The following MAGI1 variants were observed in gnomAD, a reference collection of about 807,000 sequenced individuals.
MAGI1 encodes membrane associated guanylate kinase, WW and PDZ domain containing 1.
Under a neutral mutation model 139.9 loss-of-function variants are expected in MAGI1, and 58 were observed. That is an observed-to-expected ratio of 0.41 (90% CI 0.34 to 0.52). The LOEUF (loss-of-function observed/expected upper bound fraction) is 0.52. Among genes scored for constraint, MAGI1 ranks in the 20% least tolerant of loss-of-function variants. The pLI is 0.12. For missense variants in MAGI1, 1,874 were observed against 1,901.6 expected (o/e 0.99, Z 0.27); for synonymous variants, 812 against 737.9 (o/e 1.10, Z -1.63).
At chr3:65,916,323 C>T (rs572257226) in intron 1 of MAGI1, among the ~76,000 whole-genome samples, 35 of 152,174 alleles carry the variant, frequency 2.3e-4, no homozygotes, top group Admixed American at 2.0e-3. Context: ...CCCGTCTCAG[C>T]CATTGTATTA....
intron 1 of MAGI1, among the ~76,000 whole-genome samples, chr3:65,710,085 A>C (rs1338040928): frequency 6.6e-6 from 1 of 152,142 alleles, no homozygotes; most frequent in African/African-American, 2.4e-5. Flanking sequence ...TGTTAGAGAA[A>C]GTATGTTAAG....
chr3:65,774,727 C>A (rs570547998), intron 1 of MAGI1, among the ~76,000 whole-genome samples: 5 of 152,226 alleles, frequency 3.3e-5, no homozygotes, highest in African/African-American at 1.2e-4. Flanking sequence ...ATATAGATCA[C>A]AAGTGATTTT....
intron 12 of MAGI1, among the ~76,000 whole-genome samples, chr3:65,406,433 A>C (rs1945342741): frequency 6.6e-6 from 1 of 152,156 alleles, no homozygotes; most frequent in Non-Finnish European, 1.5e-5. Flanking sequence ...GAGGCTTTGA[A>C]AGGGTGAATC....
At chr3:65,584,658 G>C (rs2081591624) in intron 2 of MAGI1, among the ~76,000 whole-genome samples, 1 of 152,128 alleles carries the variant, frequency 6.6e-6, no homozygotes, top group Non-Finnish European at 1.5e-5. Context: ...AAATAAATTT[G>C]AAGTGTGTGG....
At chr3:65,445,266 T>G (rs910083144) in intron 7 of MAGI1, among the ~76,000 whole-genome samples, 3 of 152,206 alleles carry the variant, frequency 2.0e-5, no homozygotes, top group Non-Finnish European at 2.9e-5. Context: ...ATCTTTCTCC[T>G]GGATTTACCT....
In MAGI1 at chr3:65,893,479, T is replaced by C. The variant is rs1444927571; in HGVS notation, c.313+144517A>G. Among the ~76,000 whole-genome samples, 5 of 152,234 alleles carry C rather than the reference T, an allele frequency of 3.3e-5. No individual in the cohort carries two copies. The South Asian group carries it at 6.2e-4, about 19-fold the overall frequency. The stretch of plus-strand genomic sequence containing the variant: ...ATGCATTCTCAAAAATCCAACAATA[T>C]AGTTTAATAGAAAATAATGACAAGC... On this transcript the variant is annotated intron_variant, in intron 1 of 22. Coordinates refer to ENST00000402939, the MANE Select transcript of MAGI1 (RefSeq NM_001033057.2).
intron 10 of MAGI1, among the ~76,000 whole-genome samples, chr3:65,434,373 G>A (rs959571050): frequency 1.3e-5 from 2 of 152,140 alleles, no homozygotes; most frequent in African/African-American, 4.8e-5. Flanking sequence ...GTGATAGAGT[G>A]AGTGTGGTGG....
At chr3:65,566,340 T>C (rs2080640767) in intron 2 of MAGI1, among the ~76,000 whole-genome samples, 1 of 152,194 alleles carries the variant, frequency 6.6e-6, no homozygotes, top group Non-Finnish European at 1.5e-5. Context: ...ATTATCTATG[T>C]ACTCAGAAAG....
At chr3:65,701,334 C>A (rs1027919337) in intron 1 of MAGI1, among the ~76,000 whole-genome samples, 1 of 152,176 alleles carries the variant, frequency 6.6e-6, no homozygotes, top group Non-Finnish European at 1.5e-5. Flanking sequence ...CTTACTGCAA[C>A]CTCCACCTCC....
intron 1 of MAGI1, among the ~76,000 whole-genome samples, chr3:65,973,770 G>A (rs1392429450): frequency 6.6e-6 from 1 of 152,142 alleles, no homozygotes; most frequent in South Asian, 2.1e-4. Flanking sequence ...ACAGAGTATG[G>A]CATAGAGAAA....
chr3:65,430,088 A>C lies in MAGI1; in HGVS notation c.1599T>G (p.Ala533=), dbSNP rs754789266. Residue 533 remains alanine, a synonymous_variant, in exon 12 of 23, where the codon GCT becomes GCG. Transcript: ENST00000402939. ...NDTCVLGHTH[A]QVVKIFQSIP... ...TGGACTGGAAGATCTTCACAACTTG[A>C]GCATGTGTGTGTCCCAAAACACAGG... 5.6e-6 allele frequency: 9 copies of C among 1,613,806 alleles called. No individual in the cohort carries two copies. In the South Asian group the frequency reaches 9.9e-5, roughly 18 times the overall value.
intron 2 of MAGI1, among the ~76,000 whole-genome samples, chr3:65,592,227 C>A (rs2082000257): frequency 1.3e-5 from 2 of 152,120 alleles, no homozygotes; most frequent in South Asian, 2.1e-4. Context: ...AGCAACCTAA[C>A]AAAAGTAGGT....
intron 1 of MAGI1, among the ~76,000 whole-genome samples, chr3:65,838,309 A>ACAAAG (rs2058696599): frequency 1.3e-5 from 2 of 151,950 alleles, no homozygotes; most frequent in African/African-American, 2.4e-5. Context: ...GAGACTCAAA[A>ACAAAG]CAAAACAAAA....
chr3:65,721,066 G>A (rs1352650373), intron 1 of MAGI1, among the ~76,000 whole-genome samples: 6 of 152,032 alleles, frequency 3.9e-5, no homozygotes, highest in African/African-American at 7.2e-5. Flanking sequence ...TAAACTTACC[G>A]AGCTGCTGTT....
intron 1 of MAGI1, among the ~76,000 whole-genome samples, chr3:65,884,757 C>G (rs917723346): frequency 6.6e-6 from 1 of 152,262 alleles, no homozygotes; most frequent in East Asian, 1.9e-4. Context: ...TCCATCCCCA[C>G]TTTGGGAGGC....
At chr3:65,429,440 G>C (rs1947318808) in intron 12 of MAGI1, 80 bp downstream of exon 12, 2 of 1,356,640 alleles carry the variant, frequency 1.5e-6, no homozygotes, top group Admixed American at 4.5e-5. Flanking sequence ...AAAGCCCCCA[G>C]TGGTCATCTG....
chr3:65,782,003 G>A (rs1243817669), intron 1 of MAGI1, among the ~76,000 whole-genome samples: 1 of 152,210 alleles, frequency 6.6e-6, no homozygotes, highest in Non-Finnish European at 1.5e-5. Flanking sequence ...ATATTCTGGG[G>A]GATGGCATGC....
intron 1 of MAGI1, among the ~76,000 whole-genome samples, chr3:65,707,241 T>C (rs2030483250): frequency 6.6e-6 from 1 of 152,164 alleles, no homozygotes; most frequent in South Asian, 2.1e-4. Context: ...ACTTCCAAAT[T>C]AAATATTTAA....
In MAGI1 at chr3:66,037,998, T is replaced by A. The variant is rs1156491718; in HGVS notation, c.311A>T (p.Gln104Leu). ...KEAVTFKAVR[Q>L]GGRLNKDLRH... is the part of the protein sequence containing the mutation. Reference sequence around the variant, plus strand: ...CCCAAAGGCGCGCCCTGCCTTACCTTGTCTGACGGCCTTGAAGGTGACGGC... The same window carrying A: ...CCCAAAGGCGCGCCCTGCCTTACCTAGTCTGACGGCCTTGAAGGTGACGGC... Residue 104 changes from glutamine (Q) to leucine (L), a missense_variant and splice_region_variant, in exon 1 of 23, where the codon CAA becomes CTA. Transcript: ENST00000402939. 1 of 1,573,294 alleles carries A rather than the reference T, an allele frequency of 6.4e-7. No homozygotes were observed. Among genetic ancestry groups the A allele is most frequent in the Non-Finnish European group, 8.6e-7 (1 of 1,157,928 alleles).
Sources: allele counts gnomAD v4.1 joint callset (sites outside exome capture counted in the v4.1 genomes callset), GRCh38; gene constraint gnomAD v4.1.1; transcripts MANE v1.5; gene names NCBI Gene and HGNC (gene_info 2026-07-23, HGNC 2026-07-21).